The following GLT8D2 variants were observed in gnomAD, a reference collection of about 807,000 sequenced individuals.
GLT8D2 encodes the protein glycosyltransferase 8 domain-containing protein 2.
A neutral mutation model predicts 44.5 loss-of-function variants in GLT8D2; 45 were observed. The ratio of observed to expected loss-of-function variants is 1.01; its 90% confidence interval spans 0.80 to 1.30. GLT8D2 has a LOEUF of 1.30. Among genes scored for constraint, GLT8D2 ranks in the 50% most tolerant of loss-of-function variants. The probability of loss-of-function intolerance (pLI) is 0.00; values close to 1 mark genes in which losing one functional copy is unlikely to be tolerated. For missense variants in GLT8D2, 400 were observed against 430.4 expected (o/e 0.93, Z 0.62); for synonymous variants, 156 against 157.2 (o/e 0.99, Z 0.06).
intron 10 of GLT8D2, among the ~76,000 whole-genome samples, chr12:103,991,167 C>G (rs1017464059): frequency 2.0e-5 from 3 of 152,136 alleles, no homozygotes; most frequent in Non-Finnish European, 4.4e-5. Context: ...TCCCTTCCTA[C>G]TTGTCAGTAA....
At chr12:104,013,633 A>T (rs1480744100) in intron 4 of GLT8D2, among the ~76,000 whole-genome samples, 1 of 152,222 alleles carries the variant, frequency 6.6e-6, no homozygotes, top group Non-Finnish European at 1.5e-5. Flanking sequence ...TATAATCAGA[A>T]AGAAATGCCA....
At chr12:104,062,036 G>A (rs1015859262) in intron 1 of GLT8D2, among the ~76,000 whole-genome samples, 11 of 151,264 alleles carry the variant, frequency 7.3e-5, no homozygotes, top group Non-Finnish European at 1.2e-4. Flanking sequence ...AGAAGCAGAA[G>A]CTAAAAAAAA....
At chr12:104,009,829 T>A (rs192268288) in intron 4 of GLT8D2, among the ~76,000 whole-genome samples, 1 of 152,332 alleles carries the variant, frequency 6.6e-6, no homozygotes, top group Admixed American at 6.5e-5. Flanking sequence ...GGATTTTCAC[T>A]TTTGTATCTC....
At chr12:103,999,013 G>GTCGGAC (rs1314533947) in intron 6 of GLT8D2, among the ~76,000 whole-genome samples, 1 of 152,042 alleles carries the variant, frequency 6.6e-6, no homozygotes, top group Non-Finnish European at 1.5e-5. Context: ...TTTCTTAGCT[G>GTCGGAC]TCGGACACTC....
At chr12:103,993,957 T>C (rs900980293) in intron 9 of GLT8D2, 1 of 162,364 alleles carries the variant, frequency 6.2e-6, no homozygotes, top group Non-Finnish European at 1.3e-5. Flanking sequence ...TTATAAATTA[T>C]AAAAATAAAC....
chr12:104,016,820 AG>A (rs1441989976), intron 3 of GLT8D2, among the ~76,000 whole-genome samples: 143 of 106,796 alleles, frequency 1.3e-3, no homozygotes, highest in Middle Eastern at 4.3e-3. Context: ...AGAAAGAAAG[AG>A]AAAGAAAAGA....
intron 1 of GLT8D2, among the ~76,000 whole-genome samples, chr12:104,024,362 G>A (rs895190542): frequency 5.9e-5 from 9 of 152,158 alleles, no homozygotes; most frequent in African/African-American, 1.9e-4. Flanking sequence ...TGAGCCTGGA[G>A]GTCGAGGCTG....
upstream of GLT8D2, among the ~76,000 whole-genome samples, chr12:104,053,711 T>C (rs748062724): frequency 6.6e-5 from 10 of 152,058 alleles, no homozygotes; most frequent in Non-Finnish European, 1.3e-4. Context: ...AGTGAAACCC[T>C]GTCTCTACTA....
intron 1 of GLT8D2, among the ~76,000 whole-genome samples, chr12:104,058,797 A>C (rs1882392980): frequency 6.6e-6 from 1 of 152,234 alleles, no homozygotes. Context: ...ATGCCTAAAA[A>C]GTCTAGAGCA....
chr12:104,024,154 G>A (rs1354961804), intron 1 of GLT8D2, among the ~76,000 whole-genome samples: 1 of 152,106 alleles, frequency 6.6e-6, no homozygotes, highest in Non-Finnish European at 1.5e-5. Flanking sequence ...AGCCAAGATG[G>A]GAGGACCACT....
At position 104,003,254 on chromosome 12, in the gene GLT8D2, A is replaced by G. The variant is rs762933364; in HGVS notation, c.165T>C (p.Ile55=). 6 of 1,614,116 alleles carry G rather than the reference A, an allele frequency of 3.7e-6. No homozygotes were observed. Among genetic ancestry groups the G allele is most frequent in the Non-Finnish European group, 5.1e-6 (6 of 1,180,000 alleles). Reference sequence around the variant, plus strand: ...CACCCATCCTCCCTGCTGCAGCACAAATCACCACAGGAATCTCTTCTTCCA... The same window carrying G: ...CACCCATCCTCCCTGCTGCAGCACAGATCACCACAGGAATCTCTTCTTCCA... ...EELEEEIPVV[I]CAAAGRMGAT... Residue 55 remains isoleucine (I), a synonymous_variant, in exon 5 of 11, where the codon ATT becomes ATC. Transcript: ENST00000360814.
At chr12:104,039,937 A>G (rs1400398152) in intron 1 of GLT8D2, among the ~76,000 whole-genome samples, 1 of 152,266 alleles carries the variant, frequency 6.6e-6, no homozygotes, top group Admixed American at 6.5e-5. Flanking sequence ...AAAATGTGGC[A>G]CATATACACC....
At chr12:104,045,498 A>C (rs537563686) in intron 1 of GLT8D2, among the ~76,000 whole-genome samples, 2 of 152,252 alleles carry the variant, frequency 1.3e-5, no homozygotes, top group East Asian at 3.9e-4. Context: ...GAGGGGAGAA[A>C]AGAAGGTTGA....
At chr12:104,034,879 A>C (rs1879752925) in intron 1 of GLT8D2, among the ~76,000 whole-genome samples, 1 of 152,094 alleles carries the variant, frequency 6.6e-6, no homozygotes, top group East Asian at 1.9e-4. Context: ...ACTGGGAGAC[A>C]CCTCCCAGTA....
intron 1 of GLT8D2, among the ~76,000 whole-genome samples, chr12:104,057,447 G>T (rs866966890): frequency 3.4e-4 from 52 of 152,120 alleles, no homozygotes; most frequent in African/African-American, 1.2e-3. Context: ...CTTTAGCCTG[G>T]GAGGTCAAGG....
intron 1 of GLT8D2, among the ~76,000 whole-genome samples, chr12:104,025,097 G>A (rs1258892863): frequency 1.4e-5 from 2 of 147,696 alleles, no homozygotes; most frequent in African/African-American, 5.0e-5. Context: ...AAAGCCCTGT[G>A]TTACGCGATT....
rs115080736 is a variant in GLT8D2 at position 103,992,980 on chromosome 12, C to A, written c.880+412G>T. On this transcript the variant is annotated intron_variant, in intron 10 of 10. Transcript: ENST00000360814. ...GGTCACCTGGAGGATTTCAATTGAA[C>A]AACCTGGTGCTGTATGTAGCACCCT... Among the ~76,000 whole-genome samples the A allele has an allele frequency of 7.5e-3, 1,142 of 152,240 alleles. 11 individuals are homozygous for A. The highest frequency in any genetic ancestry group is 0.026 in the African/African-American group (1,081 of 41,534).
At chr12:103,992,887 C>T (rs1337959706) in intron 10 of GLT8D2, among the ~76,000 whole-genome samples, 1 of 152,212 alleles carries the variant, frequency 6.6e-6, no homozygotes, top group East Asian at 1.9e-4. Flanking sequence ...AAACACGCTC[C>T]TCAGGTAGCT....
chr12:104,014,213 G>A (rs1876230105), intron 4 of GLT8D2: 2 of 673,208 alleles, frequency 3.0e-6, no homozygotes, highest in Admixed American at 4.4e-5. Flanking sequence ...AAATTAGCTG[G>A]GCGTGGTGGC....
Sources: allele counts gnomAD v4.1 joint callset (sites outside exome capture counted in the v4.1 genomes callset), GRCh38; gene constraint gnomAD v4.1.1; transcripts MANE v1.5; gene names NCBI Gene and HGNC (gene_info 2026-07-23, HGNC 2026-07-21).